POU6F2: variants seen among roughly 807,000 people sequenced by gnomAD.
POU6F2 encodes the protein POU class 6 homeobox 2.
POU6F2 carries 31 observed loss-of-function variants against 71.3 expected under a neutral mutation model. The observed-to-expected ratio is 0.43, with a 90% CI of 0.33 to 0.59. The LOEUF is 0.59. POU6F2 is among the 20% of genes least tolerant of loss of function. POU6F2 has a pLI of 0.04. For missense variants in POU6F2, 783 were observed against 856.8 expected (o/e 0.91, Z 1.07); for synonymous variants, 347 against 355.7 (o/e 0.98, Z 0.27).
At chr7:39,052,699 T>C (rs926417120) in intron 1 of POU6F2, among the ~76,000 whole-genome samples, 2 of 152,132 alleles carry the variant, frequency 1.3e-5, no homozygotes, top group African/African-American at 4.8e-5. Context: ...GTTTGAAATT[T>C]GATATATCTA....
intron 4 of POU6F2, among the ~76,000 whole-genome samples, chr7:39,242,222 T>C (rs1783739127): frequency 6.6e-6 from 1 of 152,118 alleles, no homozygotes; most frequent in Admixed American, 6.6e-5. Flanking sequence ...TTTGGGTAAA[T>C]ACTTAGGAGT....
intron 4 of POU6F2, among the ~76,000 whole-genome samples, chr7:39,252,397 C>T (rs973854361): frequency 3.6e-5 from 3 of 84,346 alleles, no homozygotes; most frequent in Non-Finnish European, 2.6e-5. Flanking sequence ...GACAGACAGA[C>T]AGACACACAC....
chr7:39,180,821 T>G (rs1431035766), intron 2 of POU6F2, among the ~76,000 whole-genome samples: 1 of 152,162 alleles, frequency 6.6e-6, no homozygotes, highest in Non-Finnish European at 1.5e-5. Context: ...AGCTGCCCAC[T>G]GCTGACCCTC....
chr7:39,307,342 A>G (rs1785066210), intron 4 of POU6F2, among the ~76,000 whole-genome samples: 1 of 152,208 alleles, frequency 6.6e-6, no homozygotes, highest in African/African-American at 2.4e-5. Flanking sequence ...AATATTTTTT[A>G]GAATAAGAAA....
intron 2 of POU6F2, among the ~76,000 whole-genome samples, chr7:39,172,211 A>G (rs188748716): frequency 3.9e-5 from 6 of 152,312 alleles, no homozygotes; most frequent in East Asian, 3.9e-4. Context: ...TATATTTAAC[A>G]TTAGATCACA....
At chr7:39,326,831 G>A (rs1162633988) in intron 4 of POU6F2, among the ~76,000 whole-genome samples, 1 of 152,148 alleles carries the variant, frequency 6.6e-6, no homozygotes, top group African/African-American at 2.4e-5. Context: ...CAGAGCCTGG[G>A]GAGAGTTCAG....
intron 2 of POU6F2, among the ~76,000 whole-genome samples, chr7:39,176,182 C>A (rs777356223): frequency 6.6e-6 from 1 of 152,172 alleles, no homozygotes; most frequent in Non-Finnish European, 1.5e-5. Flanking sequence ...TCCTCTACCA[C>A]CTGCTGTGAA....
At chr7:39,176,993 C>G (rs577755313) in intron 2 of POU6F2, among the ~76,000 whole-genome samples, 4 of 152,218 alleles carry the variant, frequency 2.6e-5, no homozygotes, top group Non-Finnish European at 4.4e-5. Context: ...TCATGACTTA[C>G]TCTTCAACCA....
chr7:39,099,226 G>C (rs548504029), intron 2 of POU6F2, among the ~76,000 whole-genome samples: 1 of 152,296 alleles, frequency 6.6e-6, no homozygotes, highest in South Asian at 2.1e-4. Context: ...TCAAATAATA[G>C]CGATTTTAAA....
intron 4 of POU6F2, among the ~76,000 whole-genome samples, chr7:39,214,390 C>A (rs1371843996): frequency 6.6e-6 from 1 of 152,110 alleles, no homozygotes; most frequent in African/African-American, 2.4e-5. Flanking sequence ...TTTTCTTTTT[C>A]CCTAACACTT....
At chr7:39,300,936 C>T (rs142760094) in intron 4 of POU6F2, among the ~76,000 whole-genome samples, 3 of 152,338 alleles carry the variant, frequency 2.0e-5, no homozygotes, top group Non-Finnish European at 2.9e-5. Context: ...GGGAAACTCA[C>T]TACCACTTTT....
chr7:39,363,591 A>G (rs894898911), intron 5 of POU6F2, among the ~76,000 whole-genome samples: 2 of 150,590 alleles, frequency 1.3e-5, no homozygotes, highest in African/African-American at 2.5e-5. Flanking sequence ...AGGTTCAAGT[A>G]CTGGACCCTG....
At chr7:39,406,483 A>G (rs1001986338) in intron 5 of POU6F2, 117 bp from the exon 6 acceptor site, 1 of 1,255,470 alleles carries the variant, frequency 8.0e-7, no homozygotes, top group Non-Finnish European at 1.1e-6. Context: ...GGTGGGTTCC[A>G]GGCCCTTTGC....
chr7:39,171,172 C>T (rs1290134906), intron 2 of POU6F2, among the ~76,000 whole-genome samples: 1 of 151,844 alleles, frequency 6.6e-6, no homozygotes, highest in East Asian at 1.9e-4. Context: ...GGTATTTGTC[C>T]TAATGTTCTC....
At chr7:39,029,177 T>C (rs1481796524) in intron 1 of POU6F2, among the ~76,000 whole-genome samples, 1 of 152,172 alleles carries the variant, frequency 6.6e-6, no homozygotes, top group African/African-American at 2.4e-5. Context: ...TAAAATAGTT[T>C]TTAAAATTAT....
chr7:39,194,720 A>G (rs1047370351), intron 2 of POU6F2, among the ~76,000 whole-genome samples: 2 of 152,200 alleles, frequency 1.3e-5, no homozygotes, highest in Admixed American at 1.3e-4. Flanking sequence ...CGTTCTTCAC[A>G]GTAACTTTTG....
At chr7:38,990,699 T>C (rs185655259) in intron 1 of POU6F2, among the ~76,000 whole-genome samples, 74 of 152,232 alleles carry the variant, frequency 4.9e-4, no homozygotes, top group African/African-American at 1.7e-3. Context: ...ATATATCTTA[T>C]ATCTTGTACC....
At chr7:39,315,980 G>T (rs1785260068) in intron 4 of POU6F2, among the ~76,000 whole-genome samples, 1 of 152,198 alleles carries the variant, frequency 6.6e-6, no homozygotes, top group Admixed American at 6.5e-5. Context: ...GATGAGAGAA[G>T]TTGGTTGGGA....
At chr7:39,435,675 T>A (rs553341515) in intron 7 of POU6F2, among the ~76,000 whole-genome samples, 1 of 152,384 alleles carries the variant, frequency 6.6e-6, no homozygotes, top group South Asian at 2.1e-4. Context: ...GCCATTGCTT[T>A]TGGCATTTTT....
Sources: allele counts gnomAD v4.1 joint callset (sites outside exome capture counted in the v4.1 genomes callset), GRCh38; gene constraint gnomAD v4.1.1; transcripts MANE v1.5; gene names NCBI Gene and HGNC (gene_info 2026-07-23, HGNC 2026-07-21).